EXOC4: variants seen among roughly 807,000 people sequenced by gnomAD.
The protein encoded by EXOC4 is exocyst complex component 4.
In EXOC4, 71 loss-of-function variants were observed where a neutral mutation model predicts 107.2. That is an observed-to-expected ratio of 0.66 (90% CI 0.55 to 0.81). The LOEUF (loss-of-function observed/expected upper bound fraction) is 0.81, where lower values mean the gene tolerates loss of function less well. Among genes scored for constraint, EXOC4 ranks in the 30% least tolerant of loss-of-function variants. EXOC4 has a pLI of 0.00. For synonymous variants in EXOC4, 456 were observed against 441.2 expected (o/e 1.03, Z -0.42); for missense variants, 1,108 against 1,189.6 (o/e 0.93, Z 1.01).
At chr7:133,703,597 G>T (rs1455491279) in intron 10 of EXOC4, among the ~76,000 whole-genome samples, 1 of 152,140 alleles carries the variant, frequency 6.6e-6, no homozygotes, top group Non-Finnish European at 1.5e-5. Flanking sequence ...ATGCCTTTTT[G>T]TTCATATAAT....
At chr7:133,830,793 A>G (rs1270711481) in intron 11 of EXOC4, among the ~76,000 whole-genome samples, 1 of 152,128 alleles carries the variant, frequency 6.6e-6, no homozygotes, top group Non-Finnish European at 1.5e-5. Flanking sequence ...TAAAACCTAT[A>G]CCTTATTCAT....
At chr7:133,739,247 T>G (rs1283930904) in intron 10 of EXOC4, among the ~76,000 whole-genome samples, 1 of 150,510 alleles carries the variant, frequency 6.6e-6, no homozygotes, top group Non-Finnish European at 1.5e-5. Context: ...TGTGTGTGTG[T>G]GTGTGTGTGT....
intron 7 of EXOC4, among the ~76,000 whole-genome samples, chr7:133,428,037 A>T (rs1023721922): frequency 2.6e-5 from 4 of 152,222 alleles, no homozygotes; most frequent in African/African-American, 9.6e-5. Flanking sequence ...TAACTTCTCA[A>T]CTTATGCCTG....
In EXOC4 at chr7:134,017,752, A is replaced by G. The variant is rs116280498; in HGVS notation, c.2687+9917A>G. Among the ~76,000 whole-genome samples the G allele has an allele frequency of 4.8e-3, 738 of 152,336 alleles. 6 individuals are homozygous for G. Among genetic ancestry groups the G allele is most frequent in the African/African-American group, 0.017 (689 of 41,588 alleles). On this transcript the variant is annotated intron_variant, in intron 17 of 17. Coordinates refer to ENST00000253861, the MANE Select transcript of EXOC4 (RefSeq NM_021807.4). ...GCAATAAATACTTCTAAGCCTCTCA[A>G]AAAAATCTCTCAGTAACTGACGTTT... is the stretch of plus-strand genomic sequence containing the variant.
intron 9 of EXOC4, among the ~76,000 whole-genome samples, chr7:133,591,804 A>G (rs1386605726): frequency 6.6e-6 from 1 of 152,182 alleles, no homozygotes; most frequent in East Asian, 1.9e-4. Flanking sequence ...GAATGCATGT[A>G]GGTTGGGGAA....
chr7:133,875,773 A>C (rs1798835512), intron 11 of EXOC4, among the ~76,000 whole-genome samples: 1 of 152,090 alleles, frequency 6.6e-6, no homozygotes, highest in Admixed American at 6.5e-5. Context: ...CACCATTGAA[A>C]CTGTCATCTG....
At chr7:133,829,394 G>A (rs889382091) in intron 11 of EXOC4, among the ~76,000 whole-genome samples, 23 of 152,196 alleles carry the variant, frequency 1.5e-4, no homozygotes, top group African/African-American at 5.3e-4. Flanking sequence ...GAGGCAGAGA[G>A]CCTGGGGTCC....
intron 11 of EXOC4, among the ~76,000 whole-genome samples, chr7:133,889,610 C>T (rs1018049800): frequency 3.4e-5 from 4 of 117,824 alleles, no homozygotes; most frequent in South Asian, 6.7e-4. Context: ...GTGTGATATT[C>T]CCCTTCCTGT....
intron 10 of EXOC4, among the ~76,000 whole-genome samples, chr7:133,803,760 C>G (rs765886371): frequency 1.6e-4 from 25 of 152,008 alleles, no homozygotes; most frequent in Non-Finnish European, 3.5e-4. Flanking sequence ...ATTTTTAACT[C>G]TGATTTAGCC....
At chr7:133,291,821 C>G (rs770969833) in intron 3 of EXOC4, among the ~76,000 whole-genome samples, 1 of 152,066 alleles carries the variant, frequency 6.6e-6, no homozygotes, top group South Asian at 2.1e-4. Flanking sequence ...TATCTTTCTT[C>G]TATATAGTCT....
intron 9 of EXOC4, among the ~76,000 whole-genome samples, chr7:133,516,596 T>C (rs1270343039): frequency 1.3e-5 from 2 of 152,026 alleles, no homozygotes; most frequent in African/African-American, 4.8e-5. Flanking sequence ...GCATTTGTGT[T>C]TTTTCCAATT....
chr7:133,723,137 A>T (rs375237436), intron 10 of EXOC4, among the ~76,000 whole-genome samples: 5 of 152,246 alleles, frequency 3.3e-5, no homozygotes, highest in East Asian at 3.8e-4. Context: ...TTTGTGCTAC[A>T]TGTCTGTTGC....
chr7:133,370,591 G>T (rs1796352546), intron 6 of EXOC4, among the ~76,000 whole-genome samples: 1 of 152,110 alleles, frequency 6.6e-6, no homozygotes, highest in Non-Finnish European at 1.5e-5. Context: ...TGTGAGGGAG[G>T]TATGTAGCTT....
intron 14 of EXOC4, among the ~76,000 whole-genome samples, chr7:133,969,565 C>G (rs1160280489): frequency 6.6e-6 from 1 of 152,160 alleles, no homozygotes; most frequent in Non-Finnish European, 1.5e-5. Flanking sequence ...CTATTCTTTT[C>G]TGTTTGTTAG....
chr7:133,596,732 C>T (rs1044146255), intron 9 of EXOC4, among the ~76,000 whole-genome samples: 1 of 152,126 alleles, frequency 6.6e-6, no homozygotes, highest in Admixed American at 6.5e-5. Flanking sequence ...CACTAGTGTG[C>T]CCAGCATCAT....
chr7:133,806,142 T>C (rs964048652), intron 10 of EXOC4, among the ~76,000 whole-genome samples: 1 of 152,170 alleles, frequency 6.6e-6, no homozygotes, highest in Non-Finnish European at 1.5e-5. Flanking sequence ...GAGTAATAAA[T>C]AGTGAAGGGG....
At chr7:133,667,082 T>G (rs1793833755) in intron 10 of EXOC4, among the ~76,000 whole-genome samples, 1 of 152,230 alleles carries the variant, frequency 6.6e-6, no homozygotes. Flanking sequence ...GCACAAATAC[T>G]TGTCATACAT....
At chr7:133,286,390 T>G (rs1794277531) in intron 2 of EXOC4, among the ~76,000 whole-genome samples, 2 of 152,230 alleles carry the variant, frequency 1.3e-5, no homozygotes, top group South Asian at 4.1e-4. Flanking sequence ...AATTATAGTT[T>G]AACAAAATTC....
chr7:133,634,053 A>G lies in EXOC4; in HGVS notation c.1514+3912A>G, dbSNP rs112452302. On this transcript the variant is annotated intron_variant, in intron 10 of 17. Coordinates refer to ENST00000253861, the MANE Select transcript of EXOC4 (RefSeq NM_021807.4). Reference sequence around the variant, plus strand: ...GCGGGTTTCTATATTGACAATTCCAACCACCCTTCTAAGAATACCACAGAG... The same window carrying G: ...GCGGGTTTCTATATTGACAATTCCAGCCACCCTTCTAAGAATACCACAGAG... Among the ~76,000 whole-genome samples, 290 of 152,272 alleles carry G rather than the reference A, an allele frequency of 1.9e-3. 1 individual carries two copies. Among genetic ancestry groups the G allele is most frequent in the African/African-American group, 6.6e-3 (276 of 41,562 alleles).
Sources: allele counts gnomAD v4.1 joint callset (sites outside exome capture counted in the v4.1 genomes callset), GRCh38; gene constraint gnomAD v4.1.1; transcripts MANE v1.5; gene names NCBI Gene and HGNC (gene_info 2026-07-23, HGNC 2026-07-21).